KANK1: variants seen among roughly 807,000 people sequenced by gnomAD.
KANK1 encodes the protein KN motif and ankyrin repeat domain-containing protein 1.
A neutral mutation model predicts 106.2 loss-of-function variants in KANK1; 109 were observed. The observed-to-expected ratio is 1.03, with a 90% CI of 0.88 to 1.20. KANK1 has a LOEUF of 1.20. Among genes scored for constraint, KANK1 ranks in the 50% most tolerant of loss-of-function variants. The pLI, the probability that KANK1 is intolerant of heterozygous loss-of-function variation, is 0.00. For synonymous variants in KANK1, 873 were observed against 652.2 expected, an observed-to-expected ratio of 1.34 and a Z score of -5.16; for missense variants, 2,399 against 1,710.7, an observed-to-expected ratio of 1.40 and a Z score of -7.10.
chr9:591,618 TGCACACGC>T (rs1824900702), intron 1 of KANK1, among the ~76,000 whole-genome samples: 1 of 151,768 alleles, frequency 6.6e-6, no homozygotes, highest in African/African-American at 2.4e-5. Context: ...GGGAAATGTG[TGCACACGC>T]GCACACACAC....
Position 674,911 on chromosome 9 carries a change from G to A in KANK1, c.-83-1979G>A, listed in dbSNP as rs189097606. ...GTAGAGAAGAGGTTTTGCCATGTTG[G>A]CCAGGCTGGTCTCAAACTCCTGACC... On this transcript the variant is annotated intron_variant, in intron 1 of 11. Coordinates refer to ENST00000382297, the MANE Select transcript of KANK1 (RefSeq NM_015158.5). Among the ~76,000 whole-genome samples the A allele has an allele frequency of 5.2e-3, 785 of 152,080 alleles. 2 individuals carry two copies. Among genetic ancestry groups the A allele is most frequent in the Non-Finnish European group, 7.4e-3 (503 of 67,990 alleles).
intron 1 of KANK1, among the ~76,000 whole-genome samples, chr9:607,143 CATT>C (rs1829407545): frequency 6.6e-6 from 1 of 151,712 alleles, no homozygotes; most frequent in South Asian, 2.1e-4. Context: ...CTTGTTAGGT[CATT>C]CAGAGTGGCA....
chr9:677,049 C>T (rs1463998103), intron 2 of KANK1, 40 bp downstream of exon 2: 5 of 1,574,590 alleles, frequency 3.2e-6, no homozygotes, highest in Non-Finnish European at 4.4e-6. Flanking sequence ...AAATGTATGT[C>T]TTTTCTCAAA....
chr9:568,945 C>T (rs16919831), intron 1 of KANK1, among the ~76,000 whole-genome samples: 1,846 of 152,206 alleles, frequency 0.012, 56 homozygotes, highest in East Asian at 0.068. Flanking sequence ...CCACACTCAT[C>T]GGGGTATATT....
chr9:653,409 G>A (rs547288421), intron 1 of KANK1, among the ~76,000 whole-genome samples: 3 of 151,992 alleles, frequency 2.0e-5, no homozygotes, highest in Non-Finnish European at 4.4e-5. Context: ...AAGGTTTCCA[G>A]GTAAGAGAAT....
chr9:692,419 A>G (rs1820179558), intron 2 of KANK1, among the ~76,000 whole-genome samples: 1 of 152,172 alleles, frequency 6.6e-6, no homozygotes, highest in African/African-American at 2.4e-5. Context: ...AGTGCCAGGT[A>G]TTTTGAAATA....
At chr9:568,857 T>C (rs78830742) in intron 1 of KANK1, among the ~76,000 whole-genome samples, 186 of 152,352 alleles carry the variant, frequency 1.2e-3, no homozygotes, top group Non-Finnish European at 2.3e-3. Flanking sequence ...AGAAGTCACA[T>C]TTTAAAAGAT....
intron 3 of KANK1, among the ~76,000 whole-genome samples, chr9:718,561 C>T (rs1245956798): frequency 1.3e-5 from 2 of 152,122 alleles, no homozygotes; most frequent in African/African-American, 4.8e-5. Context: ...TCGCCTGCCT[C>T]AGCCTCCCAA....
intron 1 of KANK1, among the ~76,000 whole-genome samples, chr9:531,282 A>T (rs979655991): frequency 6.6e-6 from 1 of 152,048 alleles, no homozygotes; most frequent in South Asian, 2.1e-4. Context: ...TCTATAAAAA[A>T]TACCCAGATG....
chr9:724,754 A>G (rs1018507178), intron 3 of KANK1, among the ~76,000 whole-genome samples: 5 of 152,116 alleles, frequency 3.3e-5, no homozygotes, highest in African/African-American at 1.2e-4. Context: ...GTGAGCAGAG[A>G]TCGCGCCACT....
At chr9:572,373 A>G (rs1199338933) in intron 1 of KANK1, among the ~76,000 whole-genome samples, 1 of 151,422 alleles carries the variant, frequency 6.6e-6, no homozygotes. Flanking sequence ...ACACAGTGAA[A>G]CCCCGTCTCT....
chr9:572,024 G>T (rs1819308066), intron 1 of KANK1, among the ~76,000 whole-genome samples: 1 of 152,066 alleles, frequency 6.6e-6, no homozygotes, highest in Admixed American at 6.5e-5. Flanking sequence ...CAACTTTGGA[G>T]GTTGCTGGGA....
At chr9:744,364 A>C in intron 10 of KANK1, 127 bp from the exon 11 acceptor site, 1 of 1,096,690 alleles carries the variant, frequency 9.1e-7, no homozygotes, top group Non-Finnish European at 1.3e-6. Flanking sequence ...GTTTCCCAGA[A>C]GACCGAACGA....
At chr9:627,393 C>A (rs566826817) in intron 1 of KANK1, among the ~76,000 whole-genome samples, 3 of 146,020 alleles carry the variant, frequency 2.1e-5, no homozygotes, top group Non-Finnish European at 4.4e-5. Context: ...CCCTCCTAGC[C>A]ACAGAGCTTC....
chr9:547,242 G>C lies in KANK1; in HGVS notation c.-84+42488G>C, dbSNP rs1289209417. ...AGTTTTGTGAGCCCCTCTAACGTCA[G>C]GCTGGCAGTATCTTGGGTTCAATTA... On this transcript the variant is annotated intron_variant, in intron 1 of 11. Transcript: ENST00000382297. 4.6e-5 allele frequency: 7 copies of C among 152,282 alleles called. No individual in the cohort carries two copies. In the South Asian group the frequency reaches 8.3e-4, roughly 18 times the overall value. 9.4% of individuals were successfully genotyped at this position (152,282 alleles called of 1,614,324 possible). A position where few individuals can be genotyped will look rare whatever the true frequency, so the allele number is the denominator to read the frequency against.
intron 1 of KANK1, among the ~76,000 whole-genome samples, chr9:511,969 T>A (rs1381438576): frequency 6.6e-6 from 1 of 152,166 alleles, no homozygotes; most frequent in Non-Finnish European, 1.5e-5. Context: ...CATTCCCTGG[T>A]ACCCAGCTGG....
intron 3 of KANK1, among the ~76,000 whole-genome samples, chr9:482,653 A>G (rs2058225816): frequency 6.6e-6 from 1 of 152,212 alleles, no homozygotes; most frequent in Non-Finnish European, 1.5e-5. Context: ...ACTGCATGTG[A>G]TTGTACCATT....
At chr9:581,031 G>C (rs960626572) in intron 1 of KANK1, among the ~76,000 whole-genome samples, 2 of 152,018 alleles carry the variant, frequency 1.3e-5, no homozygotes, top group African/African-American at 4.8e-5. Flanking sequence ...GCCCCTCACT[G>C]CCCAGGGGCC....
At chr9:721,748 G>T (rs1335363076) in intron 3 of KANK1, among the ~76,000 whole-genome samples, 1 of 152,192 alleles carries the variant, frequency 6.6e-6, no homozygotes, top group Non-Finnish European at 1.5e-5. Context: ...TTCACTTCTT[G>T]TGGTAGGGCT....
Sources: allele counts gnomAD v4.1 joint callset (sites outside exome capture counted in the v4.1 genomes callset), GRCh38; gene constraint gnomAD v4.1.1; transcripts MANE v1.5; gene names NCBI Gene and HGNC (gene_info 2026-07-23, HGNC 2026-07-21).